CDK8: variants seen among roughly 807,000 people sequenced by gnomAD.
CDK8 encodes the protein cyclin-dependent kinase 8.
Under a neutral mutation model 71.5 loss-of-function variants are expected in CDK8, and 29 were observed. The ratio of observed to expected loss-of-function variants is 0.41; its 90% CI spans 0.30 to 0.55. The LOEUF is 0.55. Among genes scored for constraint, CDK8 ranks in the 20% least tolerant of loss-of-function variants. CDK8 has a pLI of 0.37. For synonymous variants in CDK8, 161 were observed against 192.1 expected, an observed-to-expected ratio of 0.84 and a Z score of 1.34; for missense variants, 288 against 572.6, an observed-to-expected ratio of 0.50 and a Z score of 5.07.
At chr13:26,345,074 A>G (rs1354507575) in intron 2 of CDK8, among the ~76,000 whole-genome samples, 1 of 152,198 alleles carries the variant, frequency 6.6e-6, no homozygotes, top group African/African-American at 2.4e-5. Context: ...TTGTGCTACA[A>G]TATTATGAAG....
At chr13:26,381,819 C>A (rs1271120278) in intron 4 of CDK8, among the ~76,000 whole-genome samples, 1 of 151,802 alleles carries the variant, frequency 6.6e-6, no homozygotes. Context: ...ACACATTAAA[C>A]GTTGGCAGTA....
chr13:26,309,901 C>T (rs1191537944), intron 1 of CDK8, among the ~76,000 whole-genome samples: 1 of 152,112 alleles, frequency 6.6e-6, no homozygotes, highest in Non-Finnish European at 1.5e-5. Context: ...ATTACAGGCA[C>T]ACGCCACCAT....
intron 1 of CDK8, among the ~76,000 whole-genome samples, chr13:26,264,221 T>G (rs946764225): frequency 1.3e-5 from 2 of 152,190 alleles, no homozygotes; most frequent in African/African-American, 4.8e-5. Context: ...ATTAAATTAT[T>G]TAAATATTTG....
chr13:26,293,562 A>G (rs1873400978), intron 1 of CDK8, among the ~76,000 whole-genome samples: 2 of 144,706 alleles, frequency 1.4e-5, no homozygotes, highest in South Asian at 2.2e-4. Context: ...CCGAGATTGC[A>G]TCACTGACTC....
At chr13:26,333,793 T>C (rs1872860561) in intron 1 of CDK8, among the ~76,000 whole-genome samples, 1 of 152,124 alleles carries the variant, frequency 6.6e-6, no homozygotes, top group Non-Finnish European at 1.5e-5. Flanking sequence ...TCAAAACACC[T>C]CTCATCCCAT....
At chr13:26,381,940 G>A (rs779387267) in intron 4 of CDK8, among the ~76,000 whole-genome samples, 2 of 152,168 alleles carry the variant, frequency 1.3e-5, no homozygotes, top group African/African-American at 2.4e-5. Context: ...GTCAGTATCC[G>A]AAGAGGTGTT....
At chr13:26,270,592 C>T (rs1036873154) in intron 1 of CDK8, among the ~76,000 whole-genome samples, 1 of 152,188 alleles carries the variant, frequency 6.6e-6, no homozygotes, top group African/African-American at 2.4e-5. Flanking sequence ...TCTGTCCCTG[C>T]ATTTGCCTGT....
At chr13:26,300,178 C>T (rs538936723) in intron 1 of CDK8, among the ~76,000 whole-genome samples, 3 of 152,232 alleles carry the variant, frequency 2.0e-5, no homozygotes, top group Non-Finnish European at 2.9e-5. Flanking sequence ...CTAGGTAACG[C>T]GGTAGTCCCT....
At chr13:26,328,877 A>G (rs1046359963) in intron 1 of CDK8, among the ~76,000 whole-genome samples, 26 of 152,034 alleles carry the variant, frequency 1.7e-4, no homozygotes, top group African/African-American at 5.8e-4. Flanking sequence ...GTCTCCTGCT[A>G]TTCTGTTCTA....
At chr13:26,286,902 G>T (rs957413777) in intron 1 of CDK8, among the ~76,000 whole-genome samples, 5 of 152,168 alleles carry the variant, frequency 3.3e-5, no homozygotes, top group African/African-American at 9.7e-5. Context: ...ATGAAAAAAT[G>T]CTCAATATCA....
At chr13:26,299,799 A>T (rs1332167314) in intron 1 of CDK8, among the ~76,000 whole-genome samples, 1 of 152,220 alleles carries the variant, frequency 6.6e-6, no homozygotes, top group Non-Finnish European at 1.5e-5. Context: ...TACTGACAGT[A>T]GTTTCCTGCT....
chr13:26,286,979 G>A (rs1001079930), intron 1 of CDK8, among the ~76,000 whole-genome samples: 2 of 152,112 alleles, frequency 1.3e-5, no homozygotes, highest in South Asian at 2.1e-4. Context: ...AAGAATGGCC[G>A]TAATTTAAAA....
intron 1 of CDK8, among the ~76,000 whole-genome samples, chr13:26,296,817 T>C (rs1206714451): frequency 1.3e-5 from 2 of 152,160 alleles, no homozygotes; most frequent in African/African-American, 4.8e-5. Flanking sequence ...TACTGTTAGG[T>C]CTATGAAACT....
At chr13:26,320,236 C>T (rs965301835) in intron 1 of CDK8, among the ~76,000 whole-genome samples, 6 of 147,746 alleles carry the variant, frequency 4.1e-5, no homozygotes, top group Admixed American at 6.8e-5. Context: ...CTTGTCTCTA[C>T]AAAAAAATTT....
At chr13:26,335,894 T>C (rs1872955990) in intron 1 of CDK8, among the ~76,000 whole-genome samples, 1 of 148,454 alleles carries the variant, frequency 6.7e-6, no homozygotes. Context: ...ATTTTCCAGA[T>C]AAAATATAAT....
intron 12 of CDK8, among the ~76,000 whole-genome samples, chr13:26,402,346 C>A (rs1876302410): frequency 6.6e-6 from 1 of 152,012 alleles, no homozygotes; most frequent in Non-Finnish European, 1.5e-5. Flanking sequence ...GTGGAAAGAC[C>A]CTCTTTGAAA....
chr13:26,283,539 C>G (rs1872859231), intron 1 of CDK8, among the ~76,000 whole-genome samples: 1 of 152,018 alleles, frequency 6.6e-6, no homozygotes, highest in African/African-American at 2.4e-5. Context: ...ACCTGGGAGG[C>G]AGGGGTTGCA....
chr13:26,256,172 A>T lies in CDK8; in HGVS notation c.128+1403A>T, dbSNP rs368655221. Among the ~76,000 whole-genome samples, 29 of 152,326 alleles carry T rather than the reference A, an allele frequency of 1.9e-4. No individual in the cohort carries two copies. The East Asian group carries it at 2.5e-3, about 13-fold the overall frequency. ...ATATTCTGGGCGCCGCACGTATTTA[A>T]AAGTACTTTTTAGCGGAATGGATAG... is the stretch of plus-strand genomic sequence containing the variant. On this transcript the variant is annotated intron_variant, in intron 1 of 12. Transcript: ENST00000381527.
intron 4 of CDK8, among the ~76,000 whole-genome samples, chr13:26,356,399 AT>A (rs1873900347): frequency 6.6e-6 from 1 of 152,110 alleles, no homozygotes; most frequent in Non-Finnish European, 1.5e-5. Context: ...TGATTTCCAT[AT>A]TTGAGTGAGA....
Sources: allele counts gnomAD v4.1 joint callset (sites outside exome capture counted in the v4.1 genomes callset), GRCh38; gene constraint gnomAD v4.1.1; transcripts MANE v1.5; gene names NCBI Gene and HGNC (gene_info 2026-07-23, HGNC 2026-07-21).